ANKRD60: variants seen among roughly 807,000 people sequenced by gnomAD.
The protein encoded by ANKRD60 is ankyrin repeat domain-containing protein 60.
Under a neutral mutation model 21.3 loss-of-function variants are expected in ANKRD60, and 24 were observed. That is an observed-to-expected ratio of 1.13 (90% CI 0.82 to 1.59). The LOEUF (loss-of-function observed/expected upper bound fraction) is 1.59. Among genes scored for constraint, ANKRD60 ranks in the 40% most tolerant of loss-of-function variants. The pLI, the probability that ANKRD60 is intolerant of heterozygous loss-of-function variation, is 0.00. For synonymous variants in ANKRD60, 182 were observed against 199.4 expected, an observed-to-expected ratio of 0.91 and a Z score of 0.74; for missense variants, 490 against 466.7, an observed-to-expected ratio of 1.05 and a Z score of -0.46.
In ANKRD60 at chr20:58,223,184, T is replaced by C. The variant is rs1405899072; in HGVS notation, c.431-2A>G. The C allele has an allele frequency of 4.6e-6, 7 of 1,536,044 alleles. No homozygotes were observed. In the Admixed American group the frequency reaches 1.1e-4, roughly 24 times the overall value. On this transcript the variant is annotated splice_acceptor_variant, in intron 1 of 3. Coordinates refer to ENST00000457363, the Ensembl canonical transcript of ANKRD60. LOFTEE classifies it high-confidence loss of function. ...GGGTAGTGTCATCCATCAAAACTCCTGCAGGGAAAAATTTTTTTTCTTTTA... is the reference window on the plus strand; with the variant it reads ...GGGTAGTGTCATCCATCAAAACTCCCGCAGGGAAAAATTTTTTTTCTTTTA...
At position 58,228,184 on chromosome 20, in the gene ANKRD60, C is replaced by T; in HGVS notation, c.430+40G>A. ...TCCACTTCAGAAGTGGACAGGGTGCCCTTGCATGTGGCCAGGGAAGGAGTC... is the reference window on the plus strand; with the variant it reads ...TCCACTTCAGAAGTGGACAGGGTGCTCTTGCATGTGGCCAGGGAAGGAGTC... On this transcript the variant is annotated intron_variant, in intron 1 of 3. Transcript: ENST00000457363. This position sits in a 1 kb window ranked among gnomAD's most constrained non-coding sequence, Gnocchi z 5.3. The T allele has an allele frequency of 2.0e-6, 3 of 1,509,200 alleles. No homozygotes were observed. The highest frequency in any genetic ancestry group is 2.7e-6 in the Non-Finnish European group (3 of 1,120,400). 93.5% of individuals were successfully genotyped at this position (1,509,200 alleles called of 1,614,324 possible). A position where few individuals can be genotyped will look rare whatever the true frequency, so the allele number is the denominator to read the frequency against.
exon 2 of ANKRD60, chr20:58,223,180 C>T (rs1161279794): frequency 2.6e-6 from 4 of 1,535,628 alleles, no homozygotes; most frequent in Middle Eastern, 3.4e-4. Flanking sequence ...TCCATCAAAA[C>T]TCCTGCAGGG....
chr20:58,222,998 A>G, intron 2 of ANKRD60, 54 bp downstream of exon 2: 1 of 1,502,392 alleles, frequency 6.7e-7, no homozygotes, highest in Non-Finnish European at 8.9e-7. Context: ...TTCCCCCCAC[A>G]ATTTACGGTT....
chr20:58,218,740 G>A lies in ANKRD60; in HGVS notation c.793C>T (p.Arg265Trp), dbSNP rs776253022. ...AGCAGGAGGATTATACAGTCTGACCGGCCCATAGCTGCAGCCACATGCAGG... is the reference window on the plus strand; with the variant it reads ...AGCAGGAGGATTATACAGTCTGACCAGCCCATAGCTGCAGCCACATGCAGG... Residue 265 changes from arginine to tryptophan, a missense_variant, in exon 4 of 4, where the codon CGG (arginine) becomes TGG (tryptophan). Arg to Trp is a moderately radical substitution (Grantham distance 101, BLOSUM62 -3). Coordinates refer to ENST00000457363, the Ensembl canonical transcript of ANKRD60. 3.5e-5 allele frequency: 54 copies of A among 1,551,416 alleles called. 1 individual carries two copies. The highest frequency in any genetic ancestry group is 3.4e-4 in the East Asian group (14 of 40,932).
downstream of ANKRD60, among the ~76,000 whole-genome samples, chr20:58,216,762 T>C (rs1184132569): frequency 3.9e-5 from 6 of 152,258 alleles, 1 homozygote; most frequent in African/African-American, 1.4e-4. Flanking sequence ...GTTCTTGGGA[T>C]GGAAGTGGGA....
downstream of ANKRD60, chr20:58,218,394 G>T: frequency 8.8e-7 from 1 of 1,142,446 alleles, no homozygotes; most frequent in Non-Finnish European, 1.2e-6. Flanking sequence ...CAGGTTAATT[G>T]CCCTGTTTTC....
chr20:58,228,225 T>C lies in ANKRD60; in HGVS notation c.429A>G (p.Glu143=), dbSNP rs2059615614. ...GGAAGGAGTCAGGGCAGGAGCCACC[T>C]TCGTCGAGGTACTGGAGCCGCTGGA... is the stretch of plus-strand genomic sequence containing the variant. The change falls in exon 1 of 4, where the codon GAA becomes GAG. Residue 143 remains glutamate, a splice_region_variant and synonymous_variant. Coordinates refer to ENST00000457363, the Ensembl canonical transcript of ANKRD60. The surrounding 1 kb of genome is among the most constrained non-coding windows in gnomAD (Gnocchi z 5.3). 8.4e-6 allele frequency: 13 copies of C among 1,546,422 alleles called. 1 individual carries two copies. The South Asian group carries it at 1.6e-4, about 19-fold the overall frequency.
intron 1 of ANKRD60, among the ~76,000 whole-genome samples, chr20:58,225,494 T>C (rs962881997): frequency 3.9e-5 from 6 of 152,306 alleles, no homozygotes; most frequent in Admixed American, 3.3e-4. Flanking sequence ...GCTTAACCTA[T>C]TTTAAAGAGA....
chr20:58,227,113 A>G (rs540351058), intron 1 of ANKRD60, among the ~76,000 whole-genome samples: 2 of 152,282 alleles, frequency 1.3e-5, no homozygotes, highest in South Asian at 2.1e-4. Flanking sequence ...TTGTGTGGAC[A>G]TGGTTGTGGA....
chr20:58,222,424 A>G (rs1238838612), intron 2 of ANKRD60, among the ~76,000 whole-genome samples: 2 of 152,182 alleles, frequency 1.3e-5, no homozygotes, highest in African/African-American at 4.8e-5. Context: ...AAGAAACTCC[A>G]TCTCTTCTTC....
intron 3 of ANKRD60, among the ~76,000 whole-genome samples, chr20:58,219,439 G>A (rs1049367025): frequency 3.3e-5 from 5 of 152,156 alleles, no homozygotes; most frequent in African/African-American, 1.2e-4. Context: ...CATCTGGCTT[G>A]TTGCTGTTCT....
chr20:58,216,545 T>C (rs1012272116), downstream of ANKRD60, among the ~76,000 whole-genome samples: 1 of 152,222 alleles, frequency 6.6e-6, no homozygotes, highest in Admixed American at 6.5e-5. Context: ...TATCTGCCTA[T>C]TGACTTTGCA....
chr20:58,219,911 A>G (rs1244916941), intron 3 of ANKRD60, among the ~76,000 whole-genome samples: 2 of 152,226 alleles, frequency 1.3e-5, no homozygotes, highest in Admixed American at 6.5e-5. Context: ...CGCAAAGCCC[A>G]TATTTCATTT....
At chr20:58,218,909 G>A in intron 3 of ANKRD60, 104 bp from the exon 4 acceptor site, 1 of 1,118,842 alleles carries the variant, frequency 8.9e-7, no homozygotes, top group East Asian at 2.6e-5. Flanking sequence ...CCTGCTGCCT[G>A]GCCCAGCTCC....
At chr20:58,225,542 A>C (rs1432539498) in intron 1 of ANKRD60, among the ~76,000 whole-genome samples, 1 of 152,158 alleles carries the variant, frequency 6.6e-6, no homozygotes, top group African/African-American at 2.4e-5. Flanking sequence ...GTGCATTTTG[A>C]GTTTCCTGCG....
At chr20:58,227,973 G>C (rs969870733) in intron 1 of ANKRD60, among the ~76,000 whole-genome samples, 1 of 152,168 alleles carries the variant, frequency 6.6e-6, no homozygotes, top group African/African-American at 2.4e-5. Flanking sequence ...GTGGATTAGG[G>C]TCCTGCTGTG....
Position 58,228,587 on chromosome 20 carries a change from C to G in ANKRD60, c.67G>C (p.Gly23Arg), listed in dbSNP as rs1984421537. 3.5e-6 allele frequency: 4 copies of G among 1,147,962 alleles called. No individual in the cohort carries two copies. The Admixed American group carries it at 1.9e-4, about 55-fold the overall frequency. 71.1% of individuals were successfully genotyped at this position (1,147,962 alleles called of 1,614,324 possible). A position where few individuals can be genotyped will look rare whatever the true frequency, so the allele number is the denominator to read the frequency against. The change falls in exon 1 of 4, where the codon GGG (glycine) becomes CGG (arginine). Residue 23 changes from glycine to arginine, a missense_variant. Coordinates refer to ENST00000457363, the Ensembl canonical transcript of ANKRD60. The surrounding 1 kb of genome is among the most constrained non-coding windows in gnomAD (Gnocchi z 5.3). Reference sequence around the variant, plus strand: ...AGGCGAGAGGCGCCCCCAGTTGGCCCCGCCGCCCGCGCTCCGCCCGCCCCC... The same window carrying G: ...AGGCGAGAGGCGCCCCCAGTTGGCCGCGCCGCCCGCGCTCCGCCCGCCCCC...
chr20:58,225,750 C>T (rs1386011865), intron 1 of ANKRD60, among the ~76,000 whole-genome samples: 13 of 152,230 alleles, frequency 8.5e-5, no homozygotes, highest in Admixed American at 7.9e-4. Flanking sequence ...CAGCTGTTCA[C>T]ATTCTCTGTG....
exon 3 of ANKRD60, chr20:58,221,463 G>T (rs1197536496): frequency 9.7e-6 from 15 of 1,551,886 alleles, no homozygotes; most frequent in Non-Finnish European, 1.1e-5. Context: ...TGAATTTGCG[G>T]TTCGGTAGAA....
Sources: gnomAD v4.1 joint callset for allele counts (sites outside exome capture counted in the v4.1 genomes callset) on GRCh38, gnomAD v4.1.1 for gene constraint, Gnocchi (gnomAD v3.1) non-coding constraint, MANE v1.5 for transcripts, NCBI Gene and HGNC (gene_info 2026-07-23, HGNC 2026-07-21) for gene names.